SIDT1: variants seen among roughly 807,000 people sequenced by gnomAD.
SIDT1 encodes the protein SID1 transmembrane family, member 1.
Under a neutral mutation model 107.5 loss-of-function variants are expected in SIDT1, and 101 were observed. The observed-to-expected ratio is 0.94, with a 90% CI of 0.80 to 1.11. The LOEUF (loss-of-function observed/expected upper bound fraction) is 1.11, where lower values mean the gene tolerates loss of function less well. Ranked by LOEUF, SIDT1 falls within the 50% of genes least tolerant of loss-of-function variation. The pLI is 0.00. For synonymous variants in SIDT1, 395 were observed against 398.2 expected, an observed-to-expected ratio of 0.99 and a Z score of 0.10; for missense variants, 1,076 against 1,058.2, an observed-to-expected ratio of 1.02 and a Z score of -0.23.
chr3:113,541,412 C>T (rs902922342), intron 1 of SIDT1, among the ~76,000 whole-genome samples: 7 of 152,148 alleles, frequency 4.6e-5, no homozygotes, highest in Admixed American at 2.0e-4. Flanking sequence ...ACAAGTGATC[C>T]GCCCACCTCG....
downstream of SIDT1, among the ~76,000 whole-genome samples, chr3:113,630,301 C>G (rs1408603640): frequency 6.6e-6 from 1 of 152,182 alleles, no homozygotes; most frequent in African/African-American, 2.4e-5. Context: ...TCTTCACACC[C>G]CTGACAAATG....
intron 10 of SIDT1, among the ~76,000 whole-genome samples, chr3:113,595,236 C>G (rs1300667882): frequency 6.6e-6 from 1 of 152,132 alleles, no homozygotes; most frequent in African/African-American, 2.4e-5. Context: ...TCCTTCACTT[C>G]CGTGCACTAG....
At chr3:113,568,016 C>T (rs761907678) in intron 3 of SIDT1, 21 of 252,778 alleles carry the variant, frequency 8.3e-5, no homozygotes, top group Admixed American at 3.2e-4. Context: ...TTTTGTATTC[C>T]CAACCAGTGC....
intron 1 of SIDT1, among the ~76,000 whole-genome samples, chr3:113,553,305 T>C (rs1372730552): frequency 1.3e-5 from 2 of 152,180 alleles, no homozygotes. Context: ...GACAAACACG[T>C]ATTTAAAGTT....
intron 3 of SIDT1, among the ~76,000 whole-genome samples, chr3:113,573,117 C>T (rs912901776): frequency 6.6e-6 from 1 of 151,522 alleles, no homozygotes; most frequent in South Asian, 2.1e-4. Context: ...ATGTGGAAAG[C>T]GATAGAAAGG....
chr3:113,580,124 G>A (rs935638011), intron 4 of SIDT1, among the ~76,000 whole-genome samples: 5 of 152,160 alleles, frequency 3.3e-5, no homozygotes, highest in Non-Finnish European at 5.9e-5. Flanking sequence ...GCAAGGGGGA[G>A]GATGAGTCTA....
chr3:113,592,601 C>CTTTTTTTTTTTTTTT (rs376575022), intron 9 of SIDT1: 1 of 146,754 alleles, frequency 6.8e-6, no homozygotes, highest in African/African-American at 2.6e-5. Flanking sequence ...TTTTCTTTTT[C>CTTTTTTTTTTTTTTT]TTTTTTTTTT....
chr3:113,611,992 T>C (rs1013899623), intron 18 of SIDT1, 94 bp from the exon 19 acceptor site: 3 of 865,986 alleles, frequency 3.5e-6, no homozygotes, highest in Non-Finnish European at 3.8e-6. Context: ...CACACAGCTG[T>C]TTTTGACTCC....
At chr3:113,583,656 A>G (rs2107533059) in intron 7 of SIDT1, among the ~76,000 whole-genome samples, 160 bp downstream of exon 7, 1 of 152,356 alleles carries the variant, frequency 6.6e-6, no homozygotes, top group Admixed American at 6.5e-5. Flanking sequence ...AAAACGAAAG[A>G]TAGAAAGTAA....
At chr3:113,587,625 C>G (rs776877804) in intron 9 of SIDT1, among the ~76,000 whole-genome samples, 1 of 152,184 alleles carries the variant, frequency 6.6e-6, no homozygotes, top group Admixed American at 6.5e-5. Flanking sequence ...TTCCATTTGC[C>G]TTTCATGGCA....
chr3:113,569,099 A>G (rs929260886), intron 3 of SIDT1, among the ~76,000 whole-genome samples: 2 of 148,026 alleles, frequency 1.4e-5, no homozygotes, highest in Non-Finnish European at 3.0e-5. Context: ...AGATCATGCC[A>G]ATGCACTCCA....
Position 113,532,608 on chromosome 3 carries a change from G to C in SIDT1, c.-414G>C, listed in dbSNP as rs1187331925. ...CGATGTGGCGTCAGGTTGACTTTTC[G>C]AGACTAGCGGGTATTTCTTTTTAAT... On this transcript the variant is annotated 5_prime_UTR_variant, in exon 1 of 25. Coordinates refer to ENST00000264852, the MANE Select transcript of SIDT1 (RefSeq NM_017699.3). 1.1e-3 allele frequency: 186 copies of C among 163,188 alleles called. 2 individuals carry two copies. Among genetic ancestry groups the C allele is most frequent in the Non-Finnish European group, 1.5e-4 (11 of 75,844 alleles). 10.1% of individuals were successfully genotyped at this position (163,188 alleles called of 1,614,324 possible).
At chr3:113,589,497 A>G (rs1035112104) in intron 9 of SIDT1, among the ~76,000 whole-genome samples, 2 of 148,980 alleles carry the variant, frequency 1.3e-5, no homozygotes, top group African/African-American at 2.5e-5. Context: ...TTTGCCAGCT[A>G]TGAGAGTCAG....
At position 113,573,434 on chromosome 3, in the gene SIDT1, C is replaced by G. The variant is rs141124883; in HGVS notation, c.516-3488C>G. Among the ~76,000 whole-genome samples the G allele has an allele frequency of 1.6e-3, 245 of 152,248 alleles. 1 individual carries two copies. Among genetic ancestry groups the G allele is most frequent in the African/African-American group, 5.6e-3 (234 of 41,542 alleles). On this transcript the variant is annotated intron_variant, in intron 3 of 24. Transcript: ENST00000264852. ...CAAGAACAAGGCTGTGGGTAACATT[C>G]TCATTTAAGGGATGATCTGAGAAAC... is the stretch of plus-strand genomic sequence containing the variant.
chr3:113,601,620 G>T lies in SIDT1; in HGVS notation c.1078G>T (p.Ala360Ser), dbSNP rs754309047. 6.2e-7 allele frequency: 1 copy of T among 1,613,860 alleles called. No homozygotes were observed. The highest frequency in any genetic ancestry group is 1.1e-5 in the South Asian group (1 of 91,052). ...AAATATGGTGGCATCTCATCCCATT[G>T]CTGCCAGCACACCCGAAGGGAGCAA... ...SGNMVASHPIAASTPEGSNYG... is the reference protein window; with the variant it reads ...SGNMVASHPISASTPEGSNYG... The change falls in exon 11 of 25, where the codon GCT becomes TCT. Residue 360 changes from alanine to serine, a missense_variant. By Grantham distance (99) the Ala-to-Ser change is moderately conservative. Transcript: ENST00000264852.
At chr3:113,615,957 C>A (rs990523893) in intron 19 of SIDT1, 143 bp from the exon 20 acceptor site, 1 of 698,674 alleles carries the variant, frequency 1.4e-6, no homozygotes, top group Non-Finnish European at 2.6e-6. Context: ...ATACTTATTG[C>A]GCACCTATTA....
chr3:113,585,338 C>A, intron 9 of SIDT1, 68 bp downstream of exon 9: 1 of 1,156,392 alleles, frequency 8.6e-7, no homozygotes, highest in Non-Finnish European at 1.3e-6. Context: ...GCAGCACAGA[C>A]TTGACAGATA....
intron 1 of SIDT1, among the ~76,000 whole-genome samples, chr3:113,558,060 AG>A (rs1941064919): frequency 1.3e-5 from 2 of 152,172 alleles, no homozygotes; most frequent in Non-Finnish European, 2.9e-5. Context: ...ACAGAGAGAG[AG>A]GGGGATCTGA....
chr3:113,592,950 G>T (rs1215091107), intron 9 of SIDT1, 55 bp from the exon 10 acceptor site: 2 of 1,359,082 alleles, frequency 1.5e-6, no homozygotes, highest in Admixed American at 1.7e-5. Flanking sequence ...AGGAACAAAT[G>T]TAAAATGCTG....
Sources: allele counts gnomAD v4.1 joint callset (sites outside exome capture counted in the v4.1 genomes callset), GRCh38; gene constraint gnomAD v4.1.1; transcripts MANE v1.5; gene names NCBI Gene and HGNC (gene_info 2026-07-23, HGNC 2026-07-21).